Variants in SOX9 observed in about 807,000 individuals in gnomAD.
The protein encoded by SOX9 is SRY-box transcription factor 9.
Under a neutral mutation model 44.8 loss-of-function variants are expected in SOX9, and 2 were observed. The ratio of observed to expected loss-of-function variants is 0.04; its 90% CI spans 0.02 to 0.14. The LOEUF (loss-of-function observed/expected upper bound fraction) is 0.14, where lower values mean the gene tolerates loss of function less well. SOX9 is among the 10% of genes least tolerant of loss of function. SOX9 has a pLI of 1.00. For synonymous variants in SOX9, 381 were observed against 331.8 expected (o/e 1.15, Z -1.61); for missense variants, 583 against 728.6 (o/e 0.80, Z 2.30).
In SOX9 at chr17:72,124,413, T is replaced by C. The variant is rs2143259503; in HGVS notation, c.*26T>C. On this transcript the variant is annotated 3_prime_UTR_variant, in exon 3 of 3. Coordinates refer to ENST00000245479, the MANE Select transcript of SOX9 (RefSeq NM_000346.4). The surrounding 1 kb of genome is among the most constrained non-coding windows in gnomAD (Gnocchi z 4.6). ...GGAGGCCTCCCACGAAGGGCGAAGATGGCCGAGATGATCCTAAAAATAACC... is the reference window on the plus strand; with the variant it reads ...GGAGGCCTCCCACGAAGGGCGAAGACGGCCGAGATGATCCTAAAAATAACC... 6.3e-7 allele frequency: 1 copy of C among 1,599,126 alleles called. No homozygotes were observed.
rs376470765 is a variant in SOX9, at chr17:72,123,969, C to A, written c.1112C>A (p.Ala371Glu). The part of the protein sequence containing the change: ...QPQAAPPQQP[A>E]APPQQPQAHT... ...CAGGCGGCGCCCCCACAGCAGCCGG[C>A]GGCACCCCCGCAGCAGCCACAGGCG... The change falls in exon 3 of 3, where the codon GCG becomes GAG. Residue 371 changes from alanine (A) to glutamate (E), a missense_variant. Physicochemically the swap from Ala to Glu is moderately radical, Grantham distance 107 (BLOSUM62 -1). This residue lies in a region of SOX9 where 349 missense variants were observed against 387.0 expected (regional missense o/e 0.90). Coordinates refer to ENST00000245479, the MANE Select transcript of SOX9 (RefSeq NM_000346.4). This position sits in a 1 kb window ranked among gnomAD's most constrained non-coding sequence, Gnocchi z 6.5. 6 of 1,475,418 alleles carry A rather than the reference C, an allele frequency of 4.1e-6. No individual in the cohort carries two copies. The highest frequency in any genetic ancestry group is 5.4e-6 in the Non-Finnish European group (6 of 1,115,860). 91.4% of individuals were successfully genotyped at this position (1,475,418 alleles called of 1,614,324 possible).
rs920069812 is a variant in SOX9 at position 72,121,285 on chromosome 17, G to T, written c.-107G>T. On this transcript the variant is annotated 5_prime_UTR_variant, in exon 1 of 3. Coordinates refer to ENST00000245479, the MANE Select transcript of SOX9 (RefSeq NM_000346.4). The surrounding 1 kb of genome is among the most constrained non-coding windows in gnomAD (Gnocchi z 8.3). ...GCGCCAGCTTCCCCGGGAGCCGCTT[G>T]CTCCGCATCCGGGCAGCCGAGGGGA... is the stretch of plus-strand genomic sequence containing the variant. The T allele has an allele frequency of 3.8e-6, 4 of 1,050,334 alleles. No individual in the cohort carries two copies. The African/African-American group carries it at 6.3e-5, about 17-fold the overall frequency. The allele number at this position is 1,050,334 out of a possible 1,614,324, so 65.1% of individuals were successfully genotyped here.
In SOX9 at chr17:72,121,406, C is replaced by T. The variant is rs768210143; in HGVS notation, c.15C>T (p.Asp5=). ...CGGGCCCGCGTATGAATCTCCTGGA[C>T]CCCTTCATGAAGATGACCGACGAGC... is the stretch of plus-strand genomic sequence containing the variant. MNLL[D]PFMKMTDEQE... The change falls in exon 1 of 3, where the codon GAC becomes GAT. Residue 5 remains aspartate, a synonymous_variant. Transcript: ENST00000245479. This position sits in a 1 kb window ranked among gnomAD's most constrained non-coding sequence, Gnocchi z 8.3. The T allele has an allele frequency of 2.5e-6, 4 of 1,612,560 alleles. No individual in the cohort carries two copies. The Admixed American group carries it at 6.7e-5, about 27-fold the overall frequency.
chr17:72,123,055 G>T lies in SOX9; in HGVS notation c.685+83G>T. 11 of 1,553,042 alleles carry T rather than the reference G, an allele frequency of 7.1e-6. No homozygotes were observed. Among genetic ancestry groups the T allele is most frequent in the East Asian group, 2.3e-5 (1 of 44,000 alleles). On this transcript the variant is annotated intron_variant, in intron 2 of 2. Transcript: ENST00000245479. This position sits in a 1 kb window ranked among gnomAD's most constrained non-coding sequence, Gnocchi z 6.5. ...CTGCCCTCCGCCTGGGAGATTCTTC[G>T]TGGGGACTTTATGCTTCCCGGGAGG...
At position 72,121,326 on chromosome 17, in the gene SOX9, C is replaced by G. The variant is rs1181938238; in HGVS notation, c.-66C>G. 1.2e-5 allele frequency: 17 copies of G among 1,468,114 alleles called. No homozygotes were observed. The highest frequency in any genetic ancestry group is 1.5e-5 in the Non-Finnish European group (16 of 1,055,310). 90.9% of individuals were successfully genotyped at this position (1,468,114 alleles called of 1,614,324 possible). On this transcript the variant is annotated 5_prime_UTR_variant, in exon 1 of 3. Transcript: ENST00000245479. This position sits in a 1 kb window ranked among gnomAD's most constrained non-coding sequence, Gnocchi z 8.3. ...GCCGAGGGGAGAGGAGCCCGCGCCTCGAGTCCCCGAGCCGCCGCGGCTTCT... is the reference window on the plus strand; with the variant it reads ...GCCGAGGGGAGAGGAGCCCGCGCCTGGAGTCCCCGAGCCGCCGCGGCTTCT...
rs1908246402 is a variant in SOX9 at position 72,125,229 on chromosome 17, C to T, written c.*842C>T. On this transcript the variant is annotated 3_prime_UTR_variant, in exon 3 of 3. Transcript: ENST00000245479. The stretch of plus-strand genomic sequence containing the variant: ...ATATTTTTTAAAGAAGAGAAAAACA[C>T]CTTGAGCCTTAAAACGGTGCTGCTG... 4.4e-6 allele frequency: 1 copy of T among 228,210 alleles called. No individual in the cohort carries two copies. Among genetic ancestry groups the T allele is most frequent in the Non-Finnish European group, 8.7e-6 (1 of 114,828 alleles). The allele number at this position is 228,210 out of a possible 1,614,324, so 14.1% of individuals were successfully genotyped here. A position where few individuals can be genotyped will look rare whatever the true frequency, so the allele number is the denominator to read the frequency against.
In SOX9 at chr17:72,124,203, G is replaced by C. The variant is rs1339956380; in HGVS notation, c.1346G>C (p.Ser449Thr). The change falls in exon 3 of 3, where the codon AGC becomes ACC. Residue 449 changes from serine (S) to threonine (T), a missense_variant. This residue lies in a region of SOX9 where 349 missense variants were observed against 387.0 expected (regional missense o/e 0.90). Transcript: ENST00000245479. The surrounding 1 kb of genome is among the most constrained non-coding windows in gnomAD (Gnocchi z 4.6). ...QYDYTDHQNSSSYYSHAAGQG... is the reference protein window; with the variant it reads ...QYDYTDHQNSTSYYSHAAGQG... ...GACTACACCGACCACCAGAACTCCA[G>C]CTCCTACTACAGCCACGCGGCAGGC... 8.1e-6 allele frequency: 13 copies of C among 1,613,736 alleles called. No homozygotes were observed. Among genetic ancestry groups the C allele is most frequent in the Non-Finnish European group, 1.1e-5 (13 of 1,179,994 alleles).
chr17:72,123,238 C>A lies in SOX9; in HGVS notation c.685+266C>A, dbSNP rs1267625126. On this transcript the variant is annotated intron_variant, in intron 2 of 2. Transcript: ENST00000245479. The surrounding 1 kb of genome is among the most constrained non-coding windows in gnomAD (Gnocchi z 6.5). ...AGGTAAAATGCCCTTAACAGCCTTACAAGACCTCTCCCTTCTTCTCTGCTC... is the reference window on the plus strand; with the variant it reads ...AGGTAAAATGCCCTTAACAGCCTTAAAAGACCTCTCCCTTCTTCTCTGCTC... 6.6e-6 allele frequency among the ~76,000 whole-genome samples: 1 copy of A among 152,246 alleles called. No individual in the cohort carries two copies. Among genetic ancestry groups the A allele is most frequent in the Non-Finnish European group, 1.5e-5 (1 of 68,048 alleles).
intron 1 of SOX9, 134 bp from the exon 2 acceptor site, chr17:72,122,585 G>A (rs760316033): frequency 2.6e-4 from 190 of 725,744 alleles, no homozygotes; most frequent in Non-Finnish European, 3.6e-4. Flanking sequence ...CAGGCAGGAG[G>A]GAAGATGGAG....
rs2143238341 is a variant in SOX9 at position 72,121,592 on chromosome 17, C to T, written c.201C>T (p.Asp67=). Residue 67 remains aspartate, a synonymous_variant, in exon 1 of 3, where the codon GAC becomes GAT. Coordinates refer to ENST00000245479, the MANE Select transcript of SOX9 (RefSeq NM_000346.4). This position sits in a 1 kb window ranked among gnomAD's most constrained non-coding sequence, Gnocchi z 8.3. Reference sequence around the variant, plus strand: ...ATCTGAAGAAGGAGAGCGAGGAGGACAAGTTCCCCGTGTGCATCCGCGAGG... The same window carrying T: ...ATCTGAAGAAGGAGAGCGAGGAGGATAAGTTCCCCGTGTGCATCCGCGAGG... The part of the protein sequence containing the change: ...EPDLKKESEE[D]KFPVCIREAV... 1 of 1,606,616 alleles carries T rather than the reference C, an allele frequency of 6.2e-7. No homozygotes were observed. Among genetic ancestry groups the T allele is most frequent in the Non-Finnish European group, 8.5e-7 (1 of 1,176,872 alleles).
At position 72,121,553 on chromosome 17, in the gene SOX9, C is replaced by G; in HGVS notation, c.162C>G (p.Pro54=). The change falls in exon 1 of 3, where the codon CCC becomes CCG. Residue 54 remains proline, a synonymous_variant. Coordinates refer to ENST00000245479, the MANE Select transcript of SOX9 (RefSeq NM_000346.4). The surrounding 1 kb of genome is among the most constrained non-coding windows in gnomAD (Gnocchi z 8.3). ...CGCGGCCCCAGGAGAACACGTTCCC[C>G]AAGGGCGAGCCCGATCTGAAGAAGG... ...ENTRPQENTF[P]KGEPDLKKES... is the part of the protein sequence containing the mutation. 6.2e-7 allele frequency: 1 copy of G among 1,609,426 alleles called. No homozygotes were observed. Among genetic ancestry groups the G allele is most frequent in the Non-Finnish European group, 8.5e-7 (1 of 1,178,356 alleles).
At position 72,123,469 on chromosome 17, in the gene SOX9, G is replaced by A. The variant is rs2143249492; in HGVS notation, c.686-74G>A. The A allele has an allele frequency of 6.2e-7, 1 of 1,602,758 alleles. No individual in the cohort carries two copies. The highest frequency in any genetic ancestry group is 8.5e-7 in the Non-Finnish European group (1 of 1,171,350). On this transcript the variant is annotated intron_variant, in intron 2 of 2. Coordinates refer to ENST00000245479, the MANE Select transcript of SOX9 (RefSeq NM_000346.4). The surrounding 1 kb of genome is among the most constrained non-coding windows in gnomAD (Gnocchi z 6.5). ...ACTTTAGCAGCGAGGGAGGGTCCCC[G>A]GAGGGTGCCTAAGACTAGGGCGTCT...
In SOX9 at chr17:72,123,692, A is replaced by T. The variant is rs2143251433; in HGVS notation, c.835A>T (p.Ser279Cys). The part of the protein sequence containing the change: ...DFRDVDIGEL[S>C]SDVISNIETF... ...CCGCGACGTGGACATCGGCGAGCTG[A>T]GCAGCGACGTCATCTCCAACATCGA... Residue 279 changes from serine to cysteine, a missense_variant, in exon 3 of 3, where the codon AGC (serine) becomes TGC (cysteine). Ser to Cys is a moderately radical substitution (Grantham distance 112). Coordinates refer to ENST00000245479, the MANE Select transcript of SOX9 (RefSeq NM_000346.4). This position sits in a 1 kb window ranked among gnomAD's most constrained non-coding sequence, Gnocchi z 6.5. 1 of 1,613,970 alleles carries T rather than the reference A, an allele frequency of 6.2e-7. No individual in the cohort carries two copies. Among genetic ancestry groups the T allele is most frequent in the Non-Finnish European group, 8.5e-7 (1 of 1,179,970 alleles).
At position 72,124,176 on chromosome 17, in the gene SOX9, A is replaced by T. The variant is rs2143256719; in HGVS notation, c.1319A>T (p.Tyr440Phe). ...TACCCGCCCATCACCCGCTCACAGT[A>T]CGACTACACCGACCACCAGAACTCC... ...PSYPPITRSQ[Y>F]DYTDHQNSSS... The change falls in exon 3 of 3, where the codon TAC (tyrosine) becomes TTC (phenylalanine). Residue 440 changes from tyrosine to phenylalanine, a missense_variant. Physicochemically the swap from Tyr to Phe is conservative, Grantham distance 22. Transcript: ENST00000245479. The surrounding 1 kb of genome is among the most constrained non-coding windows in gnomAD (Gnocchi z 4.6). 6.2e-7 allele frequency: 1 copy of T among 1,613,844 alleles called. No homozygotes were observed. The highest frequency in any genetic ancestry group is 8.5e-7 in the Non-Finnish European group (1 of 1,180,000).
chr17:72,123,720 C>A lies in SOX9; in HGVS notation c.863C>A (p.Thr288Asn), dbSNP rs1212728212. The A allele has an allele frequency of 7.4e-6, 12 of 1,613,846 alleles. No individual in the cohort carries two copies. Among genetic ancestry groups the A allele is most frequent in the South Asian group, 1.1e-5 (1 of 91,084 alleles). The change falls in exon 3 of 3, where the codon ACC (threonine) becomes AAC (asparagine). Residue 288 changes from threonine to asparagine, a missense_variant. Thr to Asn is a moderately conservative substitution (Grantham distance 65). Around this residue, in one of 7 missense-constraint regions of SOX9, gnomAD observed 349 missense variants for 387.0 expected, o/e 0.90. Coordinates refer to ENST00000245479, the MANE Select transcript of SOX9 (RefSeq NM_000346.4). The surrounding 1 kb of genome is among the most constrained non-coding windows in gnomAD (Gnocchi z 6.5). The part of the protein sequence containing the change: ...LSSDVISNIE[T>N]FDVNEFDQYL... ...AGCGACGTCATCTCCAACATCGAGACCTTCGATGTCAACGAGTTTGACCAG... is the reference window on the plus strand; with the variant it reads ...AGCGACGTCATCTCCAACATCGAGAACTTCGATGTCAACGAGTTTGACCAG...
chr17:72,123,072 C>T lies in SOX9; in HGVS notation c.685+100C>T. 1.4e-6 allele frequency: 2 copies of T among 1,473,864 alleles called. No homozygotes were observed. The highest frequency in any genetic ancestry group is 1.9e-6 in the Non-Finnish European group (2 of 1,076,270). 91.3% of individuals were successfully genotyped at this position (1,473,864 alleles called of 1,614,324 possible). ...GATTCTTCGTGGGGACTTTATGCTT[C>T]CCGGGAGGGACACACTGCCCTTTGC... On this transcript the variant is annotated intron_variant, in intron 2 of 2. Transcript: ENST00000245479. The surrounding 1 kb of genome is among the most constrained non-coding windows in gnomAD (Gnocchi z 6.5).
rs1598174974 is a variant in SOX9 at position 72,121,382 on chromosome 17, G to A, written c.-10G>A. On this transcript the variant is annotated 5_prime_UTR_variant, in exon 1 of 3. Coordinates refer to ENST00000245479, the MANE Select transcript of SOX9 (RefSeq NM_000346.4). The surrounding 1 kb of genome is among the most constrained non-coding windows in gnomAD (Gnocchi z 8.3). The stretch of plus-strand genomic sequence containing the variant: ...TTCCCGGCCACCAGCCCCCTGCCCC[G>A]GGCCCGCGTATGAATCTCCTGGACC... The A allele has an allele frequency of 6.2e-7, 1 of 1,611,636 alleles. No individual in the cohort carries two copies. Among genetic ancestry groups the A allele is most frequent in the Non-Finnish European group, 8.5e-7 (1 of 1,179,426 alleles).
At position 72,123,018 on chromosome 17, in the gene SOX9, C is replaced by T. The variant is rs1259447869; in HGVS notation, c.685+46C>T. The T allele has an allele frequency of 6.2e-7, 1 of 1,603,262 alleles. No homozygotes were observed. Among genetic ancestry groups the T allele is most frequent in the South Asian group, 1.1e-5 (1 of 90,978 alleles). On this transcript the variant is annotated intron_variant, in intron 2 of 2. Coordinates refer to ENST00000245479, the MANE Select transcript of SOX9 (RefSeq NM_000346.4). This position sits in a 1 kb window ranked among gnomAD's most constrained non-coding sequence, Gnocchi z 6.5. ...ACCGGACAAGCTATCTCCGTCCCGC[C>T]TGGCACACCCCCTGCCCTCCGCCTG...
rs1415009645 is a variant in SOX9 at position 72,124,497 on chromosome 17, ATTTTG to A, written c.*120_*124del. 29 of 1,372,600 alleles carry A rather than the reference ATTTTG, an allele frequency of 2.1e-5. No individual in the cohort carries two copies. Among genetic ancestry groups the A allele is most frequent in the Non-Finnish European group, 2.4e-5 (24 of 984,906 alleles). The allele number at this position is 1,372,600 out of a possible 1,614,324, so 85.0% of individuals were successfully genotyped here. A position where few individuals can be genotyped will look rare whatever the true frequency, so the allele number is the denominator to read the frequency against. The stretch of plus-strand genomic sequence containing the variant: ...GACATTTGTGTTTTTTTGTTTTTTT[ATTTTG>A]TTTTGTTTTTTCTTCTTCTTCTTCT... On this transcript the variant is annotated 3_prime_UTR_variant, in exon 3 of 3. Coordinates refer to ENST00000245479, the MANE Select transcript of SOX9 (RefSeq NM_000346.4). This position sits in a 1 kb window ranked among gnomAD's most constrained non-coding sequence, Gnocchi z 4.6.
Sources: gnomAD v4.1 joint callset for allele counts (sites outside exome capture counted in the v4.1 genomes callset) on GRCh38, gnomAD v4.1.1 for gene constraint, gnomAD v4.1.1 regional missense constraint, Gnocchi (gnomAD v3.1) non-coding constraint, MANE v1.5 for transcripts, NCBI Gene and HGNC (gene_info 2026-07-23, HGNC 2026-07-21) for gene names.